DNAJB6: variants seen among roughly 807,000 people sequenced by gnomAD.
DNAJB6 encodes the protein DnaJ heat shock protein family (Hsp40) member B6, also known as dnaJ homolog subfamily B member 6.
A neutral mutation model predicts 42.7 loss-of-function variants in DNAJB6; 16 were observed. The ratio of observed to expected loss-of-function variants is 0.37; its 90% confidence interval spans 0.25 to 0.57. The LOEUF (loss-of-function observed/expected upper bound fraction) is 0.57. Ranked by LOEUF, DNAJB6 falls within the 20% of genes least tolerant of loss-of-function variation. DNAJB6 has a pLI of 0.74. For synonymous variants in DNAJB6, 170 were observed against 163.5 expected, an observed-to-expected ratio of 1.04 and a Z score of -0.30; for missense variants, 347 against 416.8, an observed-to-expected ratio of 0.83 and a Z score of 1.46.
intron 1 of DNAJB6, among the ~76,000 whole-genome samples, chr7:157,353,428 G>A (rs191440472): frequency 4.5e-4 from 68 of 152,218 alleles, no homozygotes; most frequent in Admixed American, 1.9e-3. Flanking sequence ...AGTTGACACC[G>A]CTACAGTATT....
chr7:157,388,645 G>T (rs975541069), intron 8 of DNAJB6, among the ~76,000 whole-genome samples: 1 of 150,276 alleles, frequency 6.7e-6, no homozygotes, highest in Non-Finnish European at 1.5e-5. Context: ...TTTTGGGGGG[G>T]GGGTAAGTGG....
At chr7:157,369,578 G>T in intron 5 of DNAJB6, 1 of 327,364 alleles carries the variant, frequency 3.1e-6, no homozygotes, top group Non-Finnish European at 6.0e-6. Context: ...TATTAAACAG[G>T]CCGTTTCTCA....
intron 8 of DNAJB6, chr7:157,386,274 A>T (rs1159440876): frequency 1.0e-6 from 1 of 984,218 alleles, no homozygotes; most frequent in Non-Finnish European, 1.2e-6. Flanking sequence ...AAAAAAAAAA[A>T]AGAAAATAAA....
intron 4 of DNAJB6, among the ~76,000 whole-genome samples, chr7:157,367,008 G>A (rs925917383): frequency 2.0e-5 from 3 of 152,206 alleles, no homozygotes; most frequent in Admixed American, 6.5e-5. Context: ...GGGGCCACGC[G>A]GCAGCTTCTG....
At chr7:157,382,015 G>C in intron 5 of DNAJB6, 1 of 358,912 alleles carries the variant, frequency 2.8e-6, no homozygotes, top group East Asian at 5.4e-5. Flanking sequence ...ATTAAGTCTG[G>C]TAATTTATTT....
chr7:157,344,800 A>G (rs1798600770), intron 1 of DNAJB6, among the ~76,000 whole-genome samples: 1 of 151,838 alleles, frequency 6.6e-6, no homozygotes, highest in Non-Finnish European at 1.5e-5. Context: ...TTTCGTAGAG[A>G]CAAGATTTTG....
At chr7:157,342,333 A>ATTTTTTT (rs11329531) in intron 1 of DNAJB6, among the ~76,000 whole-genome samples, 3 of 60,406 alleles carry the variant, frequency 5.0e-5, no homozygotes, top group Admixed American at 2.8e-4. Context: ...ATCCTGGCTA[A>ATTTTTTT]TTTTTTTTTT....
intron 8 of DNAJB6, among the ~76,000 whole-genome samples, chr7:157,390,333 G>A (rs954095447): frequency 1.3e-5 from 2 of 152,228 alleles, no homozygotes; most frequent in Non-Finnish European, 2.9e-5. Context: ...ACTAGCAAAC[G>A]TCTGTGTAGT....
chr7:157,387,215 A>G (rs4716712), intron 8 of DNAJB6, among the ~76,000 whole-genome samples: 80,783 of 152,028 alleles, frequency 0.53, 22,017 homozygotes, highest in East Asian at 0.7. Context: ...TAGGAGCTCA[A>G]AAAAGCATAG....
chr7:157,337,725 G>C (rs960639045), intron 1 of DNAJB6: 1 of 152,248 alleles, frequency 6.6e-6, no homozygotes, highest in Non-Finnish European at 1.5e-5. Flanking sequence ...ATGTTTGTCT[G>C]CTTTGCTTTG....
chr7:157,392,417 AATT>A (rs1224665728), intron 8 of DNAJB6, among the ~76,000 whole-genome samples: 2 of 138,230 alleles, frequency 1.4e-5, no homozygotes, highest in East Asian at 4.3e-4. Context: ...TGGTAGTCTT[AATT>A]ATTTACACAG....
At chr7:157,382,552 C>G (rs944244863) in intron 6 of DNAJB6, 175 bp downstream of exon 6, 1 of 439,600 alleles carries the variant, frequency 2.3e-6, no homozygotes, top group Non-Finnish European at 3.8e-6. Context: ...ACATTTTCTC[C>G]TAATCTTCCT....
chr7:157,375,547 T>C lies in DNAJB6; in HGVS notation c.347-6699T>C, dbSNP rs114844003. The stretch of plus-strand genomic sequence containing the variant: ...AATGGTGGTGTTCATTTAACAAATA[T>C]GGCGTGCCTGCTGTTTAGTGCCAGG... On this transcript the variant is annotated intron_variant, in intron 5 of 9. Coordinates refer to ENST00000262177, the MANE Select transcript of DNAJB6 (RefSeq NM_058246.4). 5.4e-3 allele frequency among the ~76,000 whole-genome samples: 823 copies of C among 152,358 alleles called. 13 individuals are homozygous for C. Among genetic ancestry groups the C allele is most frequent in the African/African-American group, 0.018 (763 of 41,570 alleles).
In DNAJB6 at chr7:157,410,422, T is replaced by G. The variant is rs550011047; in HGVS notation, c.898+421T>G. 4.2e-3 allele frequency: 1,363 copies of G among 327,382 alleles called. 7 individuals are homozygous for G. Among genetic ancestry groups the G allele is most frequent in the Non-Finnish European group, 6.0e-3 (1,089 of 181,102 alleles). 20.3% of individuals were successfully genotyped at this position (327,382 alleles called of 1,614,324 possible). Reference sequence around the variant, plus strand: ...TCCGTCAGCTTCACCTTCTCGTGCCTTCTTCTGCGCTGGGTGCAGAACAAA... The same window carrying G: ...TCCGTCAGCTTCACCTTCTCGTGCCGTCTTCTGCGCTGGGTGCAGAACAAA... On this transcript the variant is annotated intron_variant, in intron 9 of 9. Transcript: ENST00000262177.
intron 1 of DNAJB6, among the ~76,000 whole-genome samples, chr7:157,340,444 T>G (rs1391560044): frequency 6.6e-6 from 1 of 152,044 alleles, no homozygotes; most frequent in Non-Finnish European, 1.5e-5. Context: ...AGAGCAAAGT[T>G]GGTGAAAACA....
At chr7:157,391,674 C>G (rs1051983468) in intron 8 of DNAJB6, among the ~76,000 whole-genome samples, 1 of 152,224 alleles carries the variant, frequency 6.6e-6, no homozygotes, top group Non-Finnish European at 1.5e-5. Context: ...TTCCGTGGAT[C>G]CTGGCAAAAT....
At chr7:157,346,658 A>T (rs1014768108) in intron 1 of DNAJB6, among the ~76,000 whole-genome samples, 1 of 152,202 alleles carries the variant, frequency 6.6e-6, no homozygotes, top group Admixed American at 6.5e-5. Flanking sequence ...TGAGGTTAAT[A>T]AAAAAATTTG....
chr7:157,383,466 T>G (rs1800889323), intron 6 of DNAJB6, among the ~76,000 whole-genome samples: 1 of 152,236 alleles, frequency 6.6e-6, no homozygotes, highest in African/African-American at 2.4e-5. Flanking sequence ...TCTGCTCGAT[T>G]GGACCTCAGT....
In DNAJB6 at chr7:157,357,321, T is replaced by TTGAGA. The variant is rs542176809; in HGVS notation, c.-26-1226_-26-1225insTGAGA. Among the ~76,000 whole-genome samples, 15 of 29,404 alleles carry TTGAGA rather than the reference T, an allele frequency of 5.1e-4. 2 individuals carry two copies. In the East Asian group the frequency reaches 0.012, roughly 23 times the overall value. 19.3% of individuals were successfully genotyped at this position (29,404 alleles called of 152,430 possible). A position where few individuals can be genotyped will look rare whatever the true frequency, so the allele number is the denominator to read the frequency against. On this transcript the variant is annotated intron_variant, in intron 1 of 9. Transcript: ENST00000262177. ...TTCCTTCCTTCCTTCCTTCCTTCCT[T>TTGAGA]CCTCGTTCCGTCGCCCGGGCTGGAG...
Sources: gnomAD v4.1 joint callset for allele counts (sites outside exome capture counted in the v4.1 genomes callset) on GRCh38, gnomAD v4.1.1 for gene constraint, MANE v1.5 for transcripts, NCBI Gene and HGNC (gene_info 2026-07-23, HGNC 2026-07-21) for gene names.